The following ZFP14 variants were observed in gnomAD, a reference collection of about 807,000 sequenced individuals.
The protein encoded by ZFP14 is ZFP14 zinc finger protein.
ZFP14 carries 22 observed loss-of-function variants against 54.5 expected under a neutral mutation model. That is an observed-to-expected ratio of 0.40 (90% CI 0.29 to 0.58). The LOEUF (loss-of-function observed/expected upper bound fraction) is 0.58. Among genes scored for constraint, ZFP14 ranks in the 20% least tolerant of loss-of-function variants. The pLI is 0.39. For missense variants in ZFP14, 470 were observed against 637.8 expected, an observed-to-expected ratio of 0.74 and a Z score of 2.83; for synonymous variants, 159 against 204.0, an observed-to-expected ratio of 0.78 and a Z score of 1.88.
rs937706514 is a variant in ZFP14 at position 36,339,378 on chromosome 19, G to A, written c.*846C>T. On this transcript the variant is annotated 3_prime_UTR_variant, in exon 5 of 5. Coordinates refer to ENST00000270001, the MANE Select transcript of ZFP14 (RefSeq NM_020917.3). ...TCTAAACAGGCCCCCCAGTGGTCCT[G>A]TCTCCAGGACTTATTCACACTCTTG... 1 of 152,146 alleles carries A rather than the reference G, an allele frequency of 6.6e-6. No homozygotes were observed. The highest frequency in any genetic ancestry group is 1.5e-5 in the Non-Finnish European group (1 of 68,030). 9.4% of individuals were successfully genotyped at this position (152,146 alleles called of 1,614,324 possible).
At chr19:36,346,913 G>C (rs2031426830) in intron 4 of ZFP14, among the ~76,000 whole-genome samples, 1 of 152,198 alleles carries the variant, frequency 6.6e-6, no homozygotes, top group Admixed American at 6.5e-5. Context: ...GCTTGTTCAG[G>C]ATAATAAAGG....
chr19:36,362,220 C>T lies in ZFP14; in HGVS notation c.28G>A (p.Asp10Asn). 6.2e-7 allele frequency: 1 copy of T among 1,604,272 alleles called. No homozygotes were observed. The highest frequency in any genetic ancestry group is 8.5e-7 in the Non-Finnish European group (1 of 1,177,262). The change falls in exon 3 of 5, where the codon GAT (aspartate) becomes AAT (asparagine). Residue 10 changes from aspartate (D) to asparagine (N), a missense_variant. Physicochemically the swap from Asp to Asn is conservative, Grantham distance 23. Transcript: ENST00000270001. ...TCCTGTGAGAAGTCTATGGCCACAT[C>T]CCTGAATGTCACTGAACCCTGAAAA... is the stretch of plus-strand genomic sequence containing the variant. MAHGSVTFR[D>N]VAIDFSQEEW...
intron 3 of ZFP14, 119 bp downstream of exon 3, chr19:36,361,993 C>G: frequency 7.8e-7 from 1 of 1,288,950 alleles, no homozygotes; most frequent in East Asian, 2.6e-5. Flanking sequence ...CTAGTTCCAA[C>G]CTGACAAAGC....
chr19:36,340,699 G>T lies in ZFP14; in HGVS notation c.1127C>A (p.Thr376Asn), dbSNP rs746299043. The change falls in exon 5 of 5, where the codon ACT becomes AAT. Residue 376 changes from threonine to asparagine, a missense_variant. By Grantham distance (65) the Thr-to-Asn change is moderately conservative (BLOSUM62 0). Transcript: ENST00000270001. This position sits in a 1 kb window ranked among gnomAD's most constrained non-coding sequence, Gnocchi z 5.4. ...AACTAGTTGTTGTCTTAATCTAAAA[G>T]TCTTCCCACATTCCTTACATTCGTA... ...KPYECKECGK[T>N]FRLRQQLVRH... 1.2e-6 allele frequency: 2 copies of T among 1,613,908 alleles called. No homozygotes were observed. Among genetic ancestry groups the T allele is most frequent in the East Asian group, 4.5e-5 (2 of 44,860 alleles).
At position 36,340,499 on chromosome 19, in the gene ZFP14, G is replaced by C. The variant is rs1217453117; in HGVS notation, c.1327C>G (p.Gln443Glu). 1.9e-6 allele frequency: 3 copies of C among 1,613,940 alleles called. No individual in the cohort carries two copies. The highest frequency in any genetic ancestry group is 2.2e-5 in the South Asian group (2 of 91,082). Residue 443 changes from glutamine (Q) to glutamate (E), a missense_variant, in exon 5 of 5, where the codon CAA (glutamine) becomes GAA (glutamate). Gln to Glu is a conservative substitution (Grantham distance 29, BLOSUM62 2). Transcript: ENST00000270001. This position sits in a 1 kb window ranked among gnomAD's most constrained non-coding sequence, Gnocchi z 5.4. ...FRLLSQLTQH[Q>E]SIHTGEKPYE... ...GGTTTCTCACCAGTGTGAATACTTTGATGCTGAGTAAGTTGTGAGAGCAGT... is the reference window on the plus strand; with the variant it reads ...GGTTTCTCACCAGTGTGAATACTTTCATGCTGAGTAAGTTGTGAGAGCAGT...
In ZFP14 at chr19:36,367,959, T is replaced by G; in HGVS notation, c.-67A>C. ...TCTCTGTTGGAGAACTATGGAGTCC[T>G]GATAAGCCAGAGCTGAAAGAAGAAA... is the stretch of plus-strand genomic sequence containing the variant. On this transcript the variant is annotated 5_prime_UTR_variant, in exon 2 of 5. Coordinates refer to ENST00000270001, the MANE Select transcript of ZFP14 (RefSeq NM_020917.3). 1 of 1,547,376 alleles carries G rather than the reference T, an allele frequency of 6.5e-7. No individual in the cohort carries two copies. The highest frequency in any genetic ancestry group is 8.7e-7 in the Non-Finnish European group (1 of 1,144,648).
intron 4 of ZFP14, among the ~76,000 whole-genome samples, chr19:36,359,178 C>G (rs951847364): frequency 6.6e-6 from 1 of 152,102 alleles, no homozygotes; most frequent in Non-Finnish European, 1.5e-5. Context: ...AATGATCATA[C>G]GGTCTTTCAT....
chr19:36,369,088 C>T (rs2031840607), intron 1 of ZFP14, among the ~76,000 whole-genome samples: 2 of 152,120 alleles, frequency 1.3e-5, no homozygotes, highest in Admixed American at 6.5e-5. Context: ...GTGATCCGCC[C>T]GCCTCGGCCT....
rs140541440 is a variant in ZFP14 at position 36,347,023 on chromosome 19, T to C, written c.236-5433A>G. On this transcript the variant is annotated intron_variant, in intron 4 of 4. Coordinates refer to ENST00000270001, the MANE Select transcript of ZFP14 (RefSeq NM_020917.3). ...GTTCCTTTTCTATAAGGCAGCTCAC[T>C]GCATGCTCAGGAACTATCTAGACCC... Among the ~76,000 whole-genome samples, 196 of 152,324 alleles carry C rather than the reference T, an allele frequency of 1.3e-3. 1 individual carries two copies. The highest frequency in any genetic ancestry group is 4.3e-3 in the African/African-American group (177 of 41,578).
chr19:36,359,657 C>T (rs867852746), intron 4 of ZFP14, among the ~76,000 whole-genome samples: 3 of 151,840 alleles, frequency 2.0e-5, no homozygotes, highest in Non-Finnish European at 2.9e-5. Context: ...TCTTATTATT[C>T]TTCTTTTTTG....
chr19:36,337,784 A>G lies in ZFP14; in HGVS notation c.*2440T>C, dbSNP rs1309439814. On this transcript the variant is annotated 3_prime_UTR_variant, in exon 5 of 5. Transcript: ENST00000270001. ...GTTGTCTGATAGACCCATTTTTATT[A>G]AGGTTAAAACAGATCAAAGGGTTCA... is the stretch of plus-strand genomic sequence containing the variant. 2 of 152,152 alleles carry G rather than the reference A, an allele frequency of 1.3e-5. No homozygotes were observed. The highest frequency in any genetic ancestry group is 1.3e-4 in the Admixed American group (2 of 15,266). The allele number at this position is 152,152 out of a possible 1,614,324, so 9.4% of individuals were successfully genotyped here. A position where few individuals can be genotyped will look rare whatever the true frequency, so the allele number is the denominator to read the frequency against.
At chr19:36,359,587 A>G (rs2031675330) in intron 4 of ZFP14, among the ~76,000 whole-genome samples, 1 of 82,824 alleles carries the variant, frequency 1.2e-5, no homozygotes, top group Non-Finnish European at 2.5e-5. Flanking sequence ...GAAATTTTAA[A>G]ATTTCATTTA....
intron 2 of ZFP14, among the ~76,000 whole-genome samples, chr19:36,366,491 AT>A (rs1201981816): frequency 6.6e-6 from 1 of 151,812 alleles, no homozygotes; most frequent in Admixed American, 6.6e-5. Context: ...TAGGTTTTGT[AT>A]TTTTTGTAGA....
chr19:36,360,856 C>T (rs2031698789), intron 3 of ZFP14, among the ~76,000 whole-genome samples: 1 of 152,170 alleles, frequency 6.6e-6, no homozygotes, highest in African/African-American at 2.4e-5. Context: ...ATCCAGACTG[C>T]CTGGCTTCAC....
chr19:36,346,893 A>T (rs1166403510), intron 4 of ZFP14, among the ~76,000 whole-genome samples: 1 of 152,232 alleles, frequency 6.6e-6, no homozygotes, highest in Admixed American at 6.5e-5. Context: ...ATCAATAGGC[A>T]GGTTCGCTTG....
intron 4 of ZFP14, among the ~76,000 whole-genome samples, chr19:36,350,704 T>C (rs1170433781): frequency 7.0e-6 from 1 of 142,416 alleles, no homozygotes; most frequent in African/African-American, 2.6e-5. Context: ...TAATTGGGAT[T>C]TTTACATTTC....
At position 36,354,856 on chromosome 19, in the gene ZFP14, G is replaced by A. The variant is rs976986397; in HGVS notation, c.235+5579C>T. 2.8e-5 allele frequency among the ~76,000 whole-genome samples: 4 copies of A among 142,718 alleles called. 1 individual carries two copies. In the Admixed American group the frequency reaches 2.9e-4, roughly 10 times the overall value. The allele number at this position is 142,718 out of a possible 152,430, so 93.6% of individuals were successfully genotyped here. On this transcript the variant is annotated intron_variant, in intron 4 of 4. Coordinates refer to ENST00000270001, the MANE Select transcript of ZFP14 (RefSeq NM_020917.3). ...CCAGCTAATTTTCGTATTTTCAGTA[G>A]AGACAGGTTTCACCATGTTGGCCAG...
At chr19:36,349,288 C>A (rs1363014530) in intron 4 of ZFP14, among the ~76,000 whole-genome samples, 2 of 129,340 alleles carry the variant, frequency 1.5e-5, no homozygotes, top group Non-Finnish European at 3.2e-5. Context: ...AACATAATTT[C>A]TCCTCTAGAA....
intron 2 of ZFP14, among the ~76,000 whole-genome samples, chr19:36,362,660 G>T (rs1394761271): frequency 6.6e-6 from 1 of 151,954 alleles, no homozygotes; most frequent in Non-Finnish European, 1.5e-5. Flanking sequence ...GATCATTTGA[G>T]CCCGTAAGTT....
Sources: allele counts gnomAD v4.1 joint callset (sites outside exome capture counted in the v4.1 genomes callset), GRCh38; gene constraint gnomAD v4.1.1; non-coding constraint Gnocchi (gnomAD v3.1); transcripts MANE v1.5; gene names NCBI Gene and HGNC (gene_info 2026-07-23, HGNC 2026-07-21).